The following ZC3H18 variants were observed in gnomAD, a reference collection of about 807,000 sequenced individuals.
The protein encoded by ZC3H18 is zinc finger CCCH domain-containing protein 18.
A neutral mutation model predicts 106.1 loss-of-function variants in ZC3H18; 8 were observed. That is an observed-to-expected ratio of 0.08 (90% CI 0.04 to 0.14). The LOEUF (loss-of-function observed/expected upper bound fraction) is 0.14. Ranked by LOEUF, ZC3H18 falls within the 10% of genes least tolerant of loss-of-function variation. The pLI is 1.00. For synonymous variants in ZC3H18, 635 were observed against 522.1 expected (o/e 1.22, Z -2.95); for missense variants, 1,318 against 1,278.4 (o/e 1.03, Z -0.47).
chr16:88,597,961 C>G (rs1034244166), intron 3 of ZC3H18, among the ~76,000 whole-genome samples: 4 of 152,236 alleles, frequency 2.6e-5, no homozygotes, highest in African/African-American at 9.6e-5. Flanking sequence ...GCCTGGCAGC[C>G]TCTGGGGAAC....
intron 6 of ZC3H18, chr16:88,608,704 A>G: frequency 3.3e-6 from 1 of 299,564 alleles, no homozygotes; most frequent in Non-Finnish European, 6.3e-6. Flanking sequence ...CAAAAAGGCT[A>G]TTGAATTTTT....
At chr16:88,579,685 C>T (rs1212821800) in intron 2 of ZC3H18, among the ~76,000 whole-genome samples, 1 of 152,184 alleles carries the variant, frequency 6.6e-6, no homozygotes, top group Non-Finnish European at 1.5e-5. Context: ...ACCTTGCCTG[C>T]CCTGCCTGGC....
At chr16:88,603,218 G>A (rs548152067) in intron 6 of ZC3H18, among the ~76,000 whole-genome samples, 8 of 151,918 alleles carry the variant, frequency 5.3e-5, no homozygotes, top group South Asian at 4.2e-4. Flanking sequence ...TGCCTGCCTC[G>A]GCCTCCCAAA....
intron 1 of ZC3H18, 27 bp from the exon 2 acceptor site, chr16:88,577,083 T>A (rs1362647209): frequency 2.0e-6 from 3 of 1,501,386 alleles, no homozygotes; most frequent in Non-Finnish European, 1.8e-6. Context: ...TGCTAAAGGC[T>A]GTCAATCTGT....
intron 6 of ZC3H18, among the ~76,000 whole-genome samples, chr16:88,603,546 C>G (rs1226162691): frequency 2.0e-5 from 3 of 150,834 alleles, no homozygotes; most frequent in African/African-American, 7.3e-5. Flanking sequence ...TTGCTCGAAC[C>G]TGGGAGGCGG....
chr16:88,607,789 C>T (rs991393041), intron 6 of ZC3H18, among the ~76,000 whole-genome samples: 2 of 147,656 alleles, frequency 1.4e-5, no homozygotes, highest in African/African-American at 5.0e-5. Context: ...GGCATCTCCC[C>T]ATTCACATGC....
At chr16:88,629,131 G>T (rs576650635) in intron 16 of ZC3H18, among the ~76,000 whole-genome samples, 1 of 152,236 alleles carries the variant, frequency 6.6e-6, no homozygotes, top group Admixed American at 6.5e-5. Context: ...TTGAGGTCAG[G>T]AGTTCCAGAC....
chr16:88,602,410 A>G (rs908386101), intron 6 of ZC3H18, among the ~76,000 whole-genome samples: 2 of 152,184 alleles, frequency 1.3e-5, no homozygotes, highest in East Asian at 1.9e-4. Flanking sequence ...GGAGAGTGCA[A>G]CCTGGATTGA....
chr16:88,621,264 G>A (rs533094654), intron 8 of ZC3H18, among the ~76,000 whole-genome samples: 132 of 147,388 alleles, frequency 9.0e-4, no homozygotes, highest in African/African-American at 3.3e-3. Context: ...TCGCTCTGTC[G>A]CCCAGGCTGG....
chr16:88,628,913 C>T (rs906107579), intron 16 of ZC3H18, 59 bp downstream of exon 16: 3 of 1,590,972 alleles, frequency 1.9e-6, no homozygotes, highest in African/African-American at 1.3e-5. Flanking sequence ...GGATGCGGAG[C>T]AGCTGGGTCT....
chr16:88,598,896 G>A (rs910666732), intron 5 of ZC3H18, among the ~76,000 whole-genome samples, 184 bp downstream of exon 5: 6 of 152,066 alleles, frequency 3.9e-5, no homozygotes, highest in African/African-American at 1.4e-4. Context: ...TTTCACTCTT[G>A]TTGCCCAGGC....
Position 88,605,096 on chromosome 16 carries a change from G to T in ZC3H18, c.1089-3838G>T, listed in dbSNP as rs543672537. ...CAGGTAACAGGTCTACCAGATGCTG[G>T]TCCAGCACCTCCTTTGTCCCAGATG... is the stretch of plus-strand genomic sequence containing the variant. On this transcript the variant is annotated intron_variant, in intron 6 of 17. Transcript: ENST00000301011. 2.4e-4 allele frequency among the ~76,000 whole-genome samples: 36 copies of T among 152,344 alleles called. 1 individual carries two copies. The highest frequency in any genetic ancestry group is 2.0e-3 in the Admixed American group (30 of 15,304).
At chr16:88,587,663 C>T (rs1320804386) in intron 3 of ZC3H18, 8 of 1,471,612 alleles carry the variant, frequency 5.4e-6, no homozygotes, top group Non-Finnish European at 7.3e-6. Flanking sequence ...AGTCCCCCTA[C>T]TCCAGAGGCC....
chr16:88,582,684 C>T (rs1915206806), intron 2 of ZC3H18, among the ~76,000 whole-genome samples: 1 of 152,142 alleles, frequency 6.6e-6, no homozygotes, highest in Non-Finnish European at 1.5e-5. Context: ...CCTTCTGTGC[C>T]CCTTAGCGTG....
chr16:88,587,443 C>T, intron 3 of ZC3H18: 1 of 1,045,874 alleles, frequency 9.6e-7, no homozygotes, highest in Admixed American at 2.4e-5. Context: ...GTGTTTTTCT[C>T]TTTTCTCTTA....
chr16:88,585,772 C>T (rs2142579565), intron 2 of ZC3H18, among the ~76,000 whole-genome samples: 1 of 151,974 alleles, frequency 6.6e-6, no homozygotes, highest in African/African-American at 2.4e-5. Context: ...GGCAGTGGTG[C>T]AGATTGCAGG....
chr16:88,630,590 C>T lies in ZC3H18; in HGVS notation c.2663+9C>T. 4 of 1,596,196 alleles carry T rather than the reference C, an allele frequency of 2.5e-6. No homozygotes were observed. The highest frequency in any genetic ancestry group is 3.4e-6 in the Non-Finnish European group (4 of 1,174,646). On this transcript the variant is annotated intron_variant, in intron 17 of 17. Transcript: ENST00000301011. ...GCAGCCCCGGCTGACAGGTGAGTCC[C>T]ACCCAGCATGTGCCCTGGGCACACC...
intron 6 of ZC3H18, among the ~76,000 whole-genome samples, chr16:88,601,619 C>T (rs934300195): frequency 2.7e-5 from 4 of 150,686 alleles, no homozygotes; most frequent in African/African-American, 9.8e-5. Flanking sequence ...GGCTCCCTAG[C>T]TTCTCTCCCA....
chr16:88,603,138 G>A (rs1904837276), intron 6 of ZC3H18, among the ~76,000 whole-genome samples: 1 of 151,554 alleles, frequency 6.6e-6, no homozygotes, highest in Non-Finnish European at 1.5e-5. Context: ...CCAATTTTTT[G>A]TATTTTTTAG....
Sources: allele counts gnomAD v4.1 joint callset (sites outside exome capture counted in the v4.1 genomes callset), GRCh38; gene constraint gnomAD v4.1.1; transcripts MANE v1.5; gene names NCBI Gene and HGNC (gene_info 2026-07-23, HGNC 2026-07-21).